TMCC1: variants seen among roughly 807,000 people sequenced by gnomAD.
The protein encoded by TMCC1 is transmembrane and coiled-coil domains protein 1.
A neutral mutation model predicts 52.4 loss-of-function variants in TMCC1; 15 were observed. The observed-to-expected ratio is 0.29, with a 90% CI of 0.19 to 0.44. The LOEUF (loss-of-function observed/expected upper bound fraction) is 0.44, where lower values mean the gene tolerates loss of function less well. Ranked by LOEUF, TMCC1 falls within the 20% of genes least tolerant of loss-of-function variation. The pLI is 1.00. For synonymous variants in TMCC1, 279 were observed against 301.9 expected (o/e 0.92, Z 0.79); for missense variants, 503 against 806.0 (o/e 0.62, Z 4.55).
chr3:129,799,935 ACACT>A (rs1486740563), intron 4 of TMCC1, among the ~76,000 whole-genome samples: 1 of 152,224 alleles, frequency 6.6e-6, no homozygotes, highest in East Asian at 1.9e-4. Context: ...ATATATACAC[ACACT>A]CACAGCCATA....
intron 2 of TMCC1, among the ~76,000 whole-genome samples, chr3:129,858,765 A>T (rs761942396): frequency 2.6e-5 from 4 of 152,320 alleles, no homozygotes; most frequent in Middle Eastern, 3.4e-3. Context: ...ATGTAGGAAG[A>T]TCAAGAAGCT....
At chr3:129,843,371 T>C (rs1328371495) in intron 2 of TMCC1, among the ~76,000 whole-genome samples, 1 of 150,632 alleles carries the variant, frequency 6.6e-6, no homozygotes, top group East Asian at 2.0e-4. Flanking sequence ...GAAAAAATAA[T>C]AAAAATTAGA....
chr3:129,773,109 C>T (rs946338467), intron 4 of TMCC1, among the ~76,000 whole-genome samples: 2 of 152,140 alleles, frequency 1.3e-5, no homozygotes, highest in African/African-American at 2.4e-5. Flanking sequence ...CCAGAAACAA[C>T]ACAAATGTCC....
intron 2 of TMCC1, among the ~76,000 whole-genome samples, chr3:129,865,336 A>G (rs1055623209): frequency 6.6e-6 from 1 of 150,432 alleles, no homozygotes; most frequent in Non-Finnish European, 1.5e-5. Context: ...TTTTTTATAG[A>G]GACGGGGTTT....
intron 4 of TMCC1, among the ~76,000 whole-genome samples, chr3:129,785,169 T>C (rs375197911): frequency 2.6e-5 from 4 of 152,230 alleles, no homozygotes; most frequent in East Asian, 1.9e-4. Flanking sequence ...TGAACAAGGA[T>C]GTTCATGCAA....
chr3:129,750,752 T>A (rs948014162), intron 4 of TMCC1, among the ~76,000 whole-genome samples: 1 of 150,668 alleles, frequency 6.6e-6, no homozygotes, highest in African/African-American at 2.4e-5. Flanking sequence ...TTTTTTTGTA[T>A]TTTTAGTAGA....
intron 4 of TMCC1, among the ~76,000 whole-genome samples, chr3:129,715,929 TTC>T (rs2049046918): frequency 6.6e-6 from 1 of 152,116 alleles, no homozygotes; most frequent in South Asian, 2.1e-4. Context: ...AAATTATTTT[TTC>T]TCTCTTCTCA....
intron 2 of TMCC1, among the ~76,000 whole-genome samples, chr3:129,869,579 G>A (rs978661387): frequency 2.0e-5 from 3 of 152,134 alleles, no homozygotes; most frequent in African/African-American, 7.2e-5. Context: ...GGTAGACAGT[G>A]TCAGAATTGA....
intron 4 of TMCC1, among the ~76,000 whole-genome samples, chr3:129,697,910 AG>A (rs1278228254): frequency 6.6e-6 from 1 of 152,162 alleles, no homozygotes; most frequent in Non-Finnish European, 1.5e-5. Context: ...ACAAGACTCT[AG>A]GAAGTTCCAA....
intron 1 of TMCC1, among the ~76,000 whole-genome samples, chr3:129,884,163 C>G (rs2061587982): frequency 1.3e-5 from 2 of 152,092 alleles, no homozygotes; most frequent in African/African-American, 4.8e-5. Context: ...ATCCTTCAAT[C>G]AGAAGGAAAA....
At chr3:129,726,171 G>C (rs1384252770) in intron 4 of TMCC1, among the ~76,000 whole-genome samples, 1 of 152,200 alleles carries the variant, frequency 6.6e-6, no homozygotes, top group Non-Finnish European at 1.5e-5. Flanking sequence ...TAACAACAGA[G>C]TGAAACTTTT....
chr3:129,702,880 A>G (rs1375594479), intron 4 of TMCC1, among the ~76,000 whole-genome samples: 1 of 152,080 alleles, frequency 6.6e-6, no homozygotes, highest in Non-Finnish European at 1.5e-5. Context: ...GCTGGGCGTG[A>G]TAGCGTGCGC....
chr3:129,865,945 A>T (rs1313460305), intron 2 of TMCC1, among the ~76,000 whole-genome samples: 3 of 152,146 alleles, frequency 2.0e-5, no homozygotes, highest in Non-Finnish European at 4.4e-5. Context: ...GGCAGTAGGG[A>T]AGTGCAAGCT....
chr3:129,728,133 T>C (rs1186399525), intron 4 of TMCC1, among the ~76,000 whole-genome samples: 2 of 152,326 alleles, frequency 1.3e-5, no homozygotes, highest in Non-Finnish European at 1.5e-5. Flanking sequence ...AGGCACACTA[T>C]ATGGGACATT....
chr3:129,680,774 G>A (rs549224819), intron 4 of TMCC1, among the ~76,000 whole-genome samples: 3 of 152,082 alleles, frequency 2.0e-5, no homozygotes, highest in Admixed American at 6.6e-5. Context: ...GGTGGTGCAC[G>A]CCTGTAATCC....
chr3:129,842,469 A>G (rs527376048), intron 2 of TMCC1, among the ~76,000 whole-genome samples: 3 of 137,184 alleles, frequency 2.2e-5, no homozygotes, highest in African/African-American at 9.6e-5. Context: ...TTGTCTAAAA[A>G]AAAACAAAAC....
At chr3:129,794,465 A>G (rs1382355805) in intron 4 of TMCC1, 6 of 440,278 alleles carry the variant, frequency 1.4e-5, no homozygotes, top group Non-Finnish European at 2.3e-5. Context: ...CTGCCAGAGA[A>G]GTGCAAAGAA....
intron 2 of TMCC1, among the ~76,000 whole-genome samples, chr3:129,851,224 T>C (rs545066645): frequency 5.9e-4 from 89 of 151,784 alleles, no homozygotes; most frequent in African/African-American, 9.4e-4. Flanking sequence ...GGCCAACCAA[T>C]TGCAAAGCTT....
Position 129,682,033 on chromosome 3 carries a change from A to T in TMCC1, c.577-10769T>A, listed in dbSNP as rs926786775. Among the ~76,000 whole-genome samples, 7 of 152,202 alleles carry T rather than the reference A, an allele frequency of 4.6e-5. No homozygotes were observed. In the South Asian group the frequency reaches 1.5e-3, roughly 32 times the overall value. On this transcript the variant is annotated intron_variant, in intron 4 of 6. Transcript: ENST00000393238. ...TTCCATGCACATATAAAACACATAA[A>T]ATATCCTCATATTAAATATAATTTT... is the stretch of plus-strand genomic sequence containing the variant.
Sources: gnomAD v4.1 joint callset for allele counts (sites outside exome capture counted in the v4.1 genomes callset) on GRCh38, gnomAD v4.1.1 for gene constraint, MANE v1.5 for transcripts, NCBI Gene and HGNC (gene_info 2026-07-23, HGNC 2026-07-21) for gene names.